PGLYRP1: variants seen among roughly 807,000 people sequenced by gnomAD.
PGLYRP1 encodes TNF superfamily, member 3 (LTB)-like (peptidoglycan recognition protein).
A neutral mutation model predicts 16.3 loss-of-function variants in PGLYRP1; 18 were observed. The observed-to-expected ratio is 1.11, with a 90% CI of 0.77 to 1.64. PGLYRP1 has a LOEUF of 1.64. Among genes scored for constraint, PGLYRP1 ranks in the 40% most tolerant of loss-of-function variants. The pLI, the probability that PGLYRP1 is intolerant of heterozygous loss-of-function variation, is 0.00. For synonymous variants in PGLYRP1, 89 were observed against 105.7 expected, an observed-to-expected ratio of 0.84 and a Z score of 0.97; for missense variants, 261 against 268.6, an observed-to-expected ratio of 0.97 and a Z score of 0.20.
In PGLYRP1 at chr19:46,022,502, G is replaced by C. The variant is rs556570384; in HGVS notation, c.287+233C>G. On this transcript the variant is annotated intron_variant, in intron 1 of 2. Transcript: ENST00000008938. Reference sequence around the variant, plus strand: ...GCCCCTTCTTCCCGGGAGCGGGAGCGGGGCTTGGATTTCAGCCCATCCCCC... The same window carrying C: ...GCCCCTTCTTCCCGGGAGCGGGAGCCGGGCTTGGATTTCAGCCCATCCCCC... Among the ~76,000 whole-genome samples the C allele has an allele frequency of 6.6e-5, 10 of 152,374 alleles. No individual in the cohort carries two copies. The East Asian group carries it at 1.9e-3, about 29-fold the overall frequency.
At position 46,023,033 on chromosome 19, in the gene PGLYRP1, G is replaced by A. The variant is rs769549064; in HGVS notation, c.-12C>T. ...GAGCGGCGGGACATAGTGGCAGGGC[G>A]GCAGGGTCCGGGAGACCGCTAGGAG... On this transcript the variant is annotated 5_prime_UTR_variant, in exon 1 of 3. Transcript: ENST00000008938. The A allele has an allele frequency of 1.3e-6, 2 of 1,514,948 alleles. No homozygotes were observed. Among genetic ancestry groups the A allele is most frequent in the African/African-American group, 1.4e-5 (1 of 71,938 alleles). The allele number at this position is 1,514,948 out of a possible 1,614,324, so 93.8% of individuals were successfully genotyped here.
At chr19:46,022,675 AC>A in intron 1 of PGLYRP1, 59 bp downstream of exon 1, 1 of 1,592,346 alleles carries the variant, frequency 6.3e-7, no homozygotes, top group Non-Finnish European at 8.6e-7. Context: ...GCTGGCGGGC[AC>A]TTGCACACCT....
In PGLYRP1 at chr19:46,019,331, C is replaced by T. The variant is rs1483078573; in HGVS notation, c.498G>A (p.Val166=). 2 of 1,613,818 alleles carry T rather than the reference C, an allele frequency of 1.2e-6. No homozygotes were observed. Residue 166 remains valine, a synonymous_variant, in exon 3 of 3, where the codon GTG becomes GTA. Transcript: ENST00000008938. The surrounding 1 kb of genome is among the most constrained non-coding windows in gnomAD (Gnocchi z 4.8). ...GCTGCACATCCCGGTGTCCTTTGAG[C>T]ACATAGTTGGACCTCAGGGCTCCCT... ...VAQGALRSNY[V]LKGHRDVQRT... is the part of the protein sequence containing the mutation.
rs756632857 is a variant in PGLYRP1 at position 46,023,001 on chromosome 19, C to G, written c.21G>C (p.Leu7=). MSRRSM[L]LAWALPSLLR... ...GGAGGCTGGGGAGAGCCCAGGCAAG[C>G]AGCATAGAGCGGCGGGACATAGTGG... Residue 7 remains leucine (L), a synonymous_variant, in exon 1 of 3, where the codon CTG becomes CTC. Coordinates refer to ENST00000008938, the MANE Select transcript of PGLYRP1 (RefSeq NM_005091.3). The G allele has an allele frequency of 2.1e-5, 33 of 1,566,818 alleles. No individual in the cohort carries two copies. Among genetic ancestry groups the G allele is most frequent in the Non-Finnish European group, 2.3e-5 (27 of 1,155,704 alleles).
rs760011442 is a variant in PGLYRP1, at chr19:46,022,716, G to GC, written c.287+18dup. On this transcript the variant is annotated intron_variant, in intron 1 of 2. Coordinates refer to ENST00000008938, the MANE Select transcript of PGLYRP1 (RefSeq NM_005091.3). ...CTCTGGGATCCCCAGTCCAGCCCGT[G>GC]CCCCCCTGCCACACTCACTTGTAGC... 4.3e-6 allele frequency: 7 copies of GC among 1,613,070 alleles called. No individual in the cohort carries two copies. The highest frequency in any genetic ancestry group is 4.5e-5 in the East Asian group (2 of 44,838).
rs766164036 is a variant in PGLYRP1 at position 46,019,210 on chromosome 19, G to A, written c.*28C>T. On this transcript the variant is annotated 3_prime_UTR_variant, in exon 3 of 3. Transcript: ENST00000008938. This position sits in a 1 kb window ranked among gnomAD's most constrained non-coding sequence, Gnocchi z 4.8. ...AGTGGGGTTTTTGGCCATGGGAGGG[G>A]AGGAATGGGGTGCGGATCAGCAGGG... is the stretch of plus-strand genomic sequence containing the variant. The A allele has an allele frequency of 2.5e-6, 4 of 1,606,128 alleles. No individual in the cohort carries two copies. The highest frequency in any genetic ancestry group is 3.4e-6 in the Non-Finnish European group (4 of 1,173,444).
rs1969015213 is a variant in PGLYRP1 at position 46,019,186 on chromosome 19, G to A, written c.*52C>T. 2.0e-6 allele frequency: 3 copies of A among 1,505,280 alleles called. No individual in the cohort carries two copies. The highest frequency in any genetic ancestry group is 1.8e-6 in the Non-Finnish European group (2 of 1,082,802). 93.2% of individuals were successfully genotyped at this position (1,505,280 alleles called of 1,614,324 possible). On this transcript the variant is annotated 3_prime_UTR_variant, in exon 3 of 3. Coordinates refer to ENST00000008938, the MANE Select transcript of PGLYRP1 (RefSeq NM_005091.3). The surrounding 1 kb of genome is among the most constrained non-coding windows in gnomAD (Gnocchi z 4.8). The stretch of plus-strand genomic sequence containing the variant: ...TACATCTTTATTGGAGAAGGAGACA[G>A]TGGGGTTTTTGGCCATGGGAGGGGA...
rs1969026766 is a variant in PGLYRP1, at chr19:46,019,969, A to C, written c.288-322T>G. 2.0e-5 allele frequency among the ~76,000 whole-genome samples: 3 copies of C among 152,254 alleles called. No homozygotes were observed. In the South Asian group the frequency reaches 6.2e-4, roughly 32 times the overall value. On this transcript the variant is annotated intron_variant, in intron 1 of 2. Transcript: ENST00000008938. The surrounding 1 kb of genome is among the most constrained non-coding windows in gnomAD (Gnocchi z 4.8). Reference sequence around the variant, plus strand: ...CGGGGTCACACAGCCTGTCTGGGGCACAGCTGGGGTTTTTAACCAGGCCTC... The same window carrying C: ...CGGGGTCACACAGCCTGTCTGGGGCCCAGCTGGGGTTTTTAACCAGGCCTC...
intron 1 of PGLYRP1, among the ~76,000 whole-genome samples, chr19:46,020,191 C>T (rs1169030693): frequency 4.0e-5 from 6 of 151,442 alleles, no homozygotes; most frequent in African/African-American, 1.5e-4. Context: ...TCACCGCAAC[C>T]TCTGCCTCCT....
rs28722714 is a variant in PGLYRP1 at position 46,022,746 on chromosome 19, G to A, written c.276C>T (p.Asp92=). 6.8e-3 allele frequency: 10,930 copies of A among 1,614,114 alleles called. 618 individuals are homozygous for A. In the African/African-American group the frequency reaches 0.12, roughly 18 times the overall value. Residue 92 remains aspartate (D), a synonymous_variant, in exon 1 of 3, where the codon GAC becomes GAT. Coordinates refer to ENST00000008938, the MANE Select transcript of PGLYRP1 (RefSeq NM_005091.3). ...HYHMKTLGWC[D]VGYNFLIGED... is the part of the protein sequence containing the mutation. ...CCTGCCACACTCACTTGTAGCCCAC[G>A]TCGCACCAGCCCAGTGTCTTCATGT... is the stretch of plus-strand genomic sequence containing the variant.
chr19:46,019,521 C>T lies in PGLYRP1; in HGVS notation c.409+5G>A, dbSNP rs1239752374. ...CCCATCCCAACTGGCTGGACAGTCA[C>T]TCACCCATGTAGTTGCCCATGAAGC... On this transcript the variant is annotated splice_donor_5th_base_variant and intron_variant, in intron 2 of 2. Coordinates refer to ENST00000008938, the MANE Select transcript of PGLYRP1 (RefSeq NM_005091.3). This position sits in a 1 kb window ranked among gnomAD's most constrained non-coding sequence, Gnocchi z 4.8. 4 of 1,613,764 alleles carry T rather than the reference C, an allele frequency of 2.5e-6. No individual in the cohort carries two copies. In the African/African-American group the frequency reaches 4.0e-5, roughly 16 times the overall value.
rs1969059037 is a variant in PGLYRP1, at chr19:46,022,753, C to A, written c.269G>T (p.Trp90Leu). The A allele has an allele frequency of 6.2e-7, 1 of 1,614,208 alleles. No individual in the cohort carries two copies. Among genetic ancestry groups the A allele is most frequent in the Middle Eastern group, 1.6e-4 (1 of 6,062 alleles). Reference protein sequence around the residue: ...VQHYHMKTLGWCDVGYNFLIG... With the variant: ...VQHYHMKTLGLCDVGYNFLIG... ...CACTCACTTGTAGCCCACGTCGCAC[C>A]AGCCCAGTGTCTTCATGTGGTAGTG... The change falls in exon 1 of 3, where the codon TGG becomes TTG. Residue 90 changes from tryptophan to leucine, a missense_variant. Physicochemically the swap from Trp to Leu is moderately conservative, Grantham distance 61. Coordinates refer to ENST00000008938, the MANE Select transcript of PGLYRP1 (RefSeq NM_005091.3).
chr19:46,023,034 G>T lies in PGLYRP1; in HGVS notation c.-13C>A. On this transcript the variant is annotated 5_prime_UTR_variant, in exon 1 of 3. Transcript: ENST00000008938. ...AGCGGCGGGACATAGTGGCAGGGCG[G>T]CAGGGTCCGGGAGACCGCTAGGAGC... 6.6e-7 allele frequency: 1 copy of T among 1,514,152 alleles called. No individual in the cohort carries two copies. Among genetic ancestry groups the T allele is most frequent in the South Asian group, 1.3e-5 (1 of 76,794 alleles). 93.8% of individuals were successfully genotyped at this position (1,514,152 alleles called of 1,614,324 possible). A position where few individuals can be genotyped will look rare whatever the true frequency, so the allele number is the denominator to read the frequency against.
Position 46,019,436 on chromosome 19 carries a change from T to C in PGLYRP1, c.410-17A>G. The C allele has an allele frequency of 6.2e-7, 1 of 1,612,562 alleles. No homozygotes were observed. The highest frequency in any genetic ancestry group is 8.5e-7 in the Non-Finnish European group (1 of 1,179,436). The stretch of plus-strand genomic sequence containing the variant: ...GCACCCGATCTGGAGGAGGCAGAGG[T>C]AGGAGTCAGGCAGGGGCTTCCCCGA... On this transcript the variant is annotated splice_polypyrimidine_tract_variant and intron_variant, in intron 2 of 2. Coordinates refer to ENST00000008938, the MANE Select transcript of PGLYRP1 (RefSeq NM_005091.3). This position sits in a 1 kb window ranked among gnomAD's most constrained non-coding sequence, Gnocchi z 4.8.
chr19:46,020,226 A>G (rs1969030180), intron 1 of PGLYRP1, among the ~76,000 whole-genome samples: 1 of 150,896 alleles, frequency 6.6e-6, no homozygotes, highest in African/African-American at 2.4e-5. Flanking sequence ...CTCGTGCCTC[A>G]GCCTCCTGAG....
Position 46,019,714 on chromosome 19 carries a change from C to T in PGLYRP1, c.288-67G>A. 3.3e-6 allele frequency: 5 copies of T among 1,515,284 alleles called. No homozygotes were observed. In the South Asian group the frequency reaches 6.0e-5, roughly 18 times the overall value. 93.9% of individuals were successfully genotyped at this position (1,515,284 alleles called of 1,614,324 possible). ...TTCCCGAGGAGGACTCCTCCTCCTT[C>T]CTCCACTCACCCTGCCTCCGTTACT... On this transcript the variant is annotated intron_variant, in intron 1 of 2. Transcript: ENST00000008938. The surrounding 1 kb of genome is among the most constrained non-coding windows in gnomAD (Gnocchi z 4.8).
At chr19:46,021,587 C>T (rs1025654488) in intron 1 of PGLYRP1, among the ~76,000 whole-genome samples, 1 of 152,148 alleles carries the variant, frequency 6.6e-6, no homozygotes, top group African/African-American at 2.4e-5. Flanking sequence ...GAGGAGGTAG[C>T]TGGTAGGCGT....
rs770305557 is a variant in PGLYRP1 at position 46,022,722 on chromosome 19, CT to C, written c.287+12del. The stretch of plus-strand genomic sequence containing the variant: ...GATCCCCAGTCCAGCCCGTGCCCCC[CT>C]GCCACACTCACTTGTAGCCCACGTC... On this transcript the variant is annotated intron_variant, in intron 1 of 2. Transcript: ENST00000008938. 29 of 1,613,838 alleles carry C rather than the reference CT, an allele frequency of 1.8e-5. No individual in the cohort carries two copies. Among genetic ancestry groups the C allele is most frequent in the South Asian group, 6.6e-5 (6 of 91,022 alleles).
At chr19:46,021,888 C>T (rs576523776) in intron 1 of PGLYRP1, among the ~76,000 whole-genome samples, 1 of 152,136 alleles carries the variant, frequency 6.6e-6, no homozygotes, top group Non-Finnish European at 1.5e-5. Context: ...GCCCCCAGCA[C>T]CCCCTGCCAC....
Sources: gnomAD v4.1 joint callset for allele counts (sites outside exome capture counted in the v4.1 genomes callset) on GRCh38, gnomAD v4.1.1 for gene constraint, Gnocchi (gnomAD v3.1) non-coding constraint, MANE v1.5 for transcripts, NCBI Gene and HGNC (gene_info 2026-07-23, HGNC 2026-07-21) for gene names.